TMEM132C: variants seen among roughly 807,000 people sequenced by gnomAD.
The protein encoded by TMEM132C is protein phosphatase 1, regulatory subunit 152.
TMEM132C carries 29 observed loss-of-function variants against 61.4 expected under a neutral mutation model. That is an observed-to-expected ratio of 0.47 (90% confidence interval 0.35 to 0.64). TMEM132C has a LOEUF of 0.64. Ranked by LOEUF, TMEM132C falls within the 30% of genes least tolerant of loss-of-function variation. The pLI is 0.00. For missense variants in TMEM132C, 1,408 were observed against 1,476.9 expected, an observed-to-expected ratio of 0.95 and a Z score of 0.76; for synonymous variants, 656 against 633.1, an observed-to-expected ratio of 1.04 and a Z score of -0.54.
At chr12:128,534,861 AC>A (rs1234104989) in intron 2 of TMEM132C, among the ~76,000 whole-genome samples, 1 of 152,238 alleles carries the variant, frequency 6.6e-6, no homozygotes, top group East Asian at 1.9e-4. Context: ...GACACCAGCC[AC>A]TGCACCAGTT....
chr12:128,507,402 CT>C (rs111625089), intron 2 of TMEM132C, among the ~76,000 whole-genome samples: 14,200 of 113,404 alleles, frequency 0.13, 1,512 homozygotes, highest in African/African-American at 0.32. Flanking sequence ...TTTTTTCTTT[CT>C]TTTTTTTTTT....
chr12:128,379,045 A>G (rs971496875), intron 1 of TMEM132C, among the ~76,000 whole-genome samples: 1 of 152,198 alleles, frequency 6.6e-6, no homozygotes, highest in African/African-American at 2.4e-5. Context: ...CTGTGAGTCC[A>G]TTCAACCTCT....
intron 1 of TMEM132C, among the ~76,000 whole-genome samples, chr12:128,306,292 C>A (rs1285485461): frequency 6.6e-6 from 1 of 151,550 alleles, no homozygotes; most frequent in Non-Finnish European, 1.5e-5. Context: ...AAGCTCTGCC[C>A]CCCGGGTTCT....
chr12:128,689,561 C>G (rs796306629), intron 5 of TMEM132C, among the ~76,000 whole-genome samples: 8 of 152,170 alleles, frequency 5.3e-5, no homozygotes, highest in African/African-American at 1.9e-4. Context: ...CCTCAGTGCC[C>G]TGAGATGCAC....
intron 1 of TMEM132C, among the ~76,000 whole-genome samples, chr12:128,384,053 C>CCAAA (rs776674735): frequency 1.3e-5 from 2 of 152,054 alleles, no homozygotes; most frequent in African/African-American, 2.4e-5. Context: ...CCAAAGAAAC[C>CCAAA]CAAACAAACA....
intron 3 of TMEM132C, among the ~76,000 whole-genome samples, chr12:128,608,585 A>G (rs972997511): frequency 6.6e-6 from 1 of 152,244 alleles, no homozygotes; most frequent in East Asian, 1.9e-4. Flanking sequence ...AAATTAGGAA[A>G]TAAAGAAAAA....
chr12:128,391,852 C>T lies in TMEM132C; in HGVS notation c.86-22880C>T, dbSNP rs150052356. ...TAGAACCCTTGGGCCAAACCCCTGCCGTCTGCTTTTATATGGCCTTCGAAC... is the reference window on the plus strand; with the variant it reads ...TAGAACCCTTGGGCCAAACCCCTGCTGTCTGCTTTTATATGGCCTTCGAAC... On this transcript the variant is annotated intron_variant, in intron 1 of 8. Coordinates refer to ENST00000435159, the MANE Select transcript of TMEM132C (RefSeq NM_001136103.3). 6.5e-3 allele frequency among the ~76,000 whole-genome samples: 987 copies of T among 152,294 alleles called. 10 individuals are homozygous for T. The highest frequency in any genetic ancestry group is 0.022 in the African/African-American group (919 of 41,564).
At chr12:128,307,260 C>A (rs1246379757) in intron 1 of TMEM132C, among the ~76,000 whole-genome samples, 1 of 152,058 alleles carries the variant, frequency 6.6e-6, no homozygotes, top group African/African-American at 2.4e-5. Flanking sequence ...CTTCTTCTGT[C>A]CCCAAAGTGG....
At chr12:128,343,642 T>C (rs1437706945) in intron 1 of TMEM132C, among the ~76,000 whole-genome samples, 8 of 152,144 alleles carry the variant, frequency 5.3e-5, no homozygotes, top group Admixed American at 5.2e-4. Context: ...CCTTTTAAAG[T>C]CTACGAGCCA....
In TMEM132C at chr12:128,375,358, T is replaced by A. The variant is rs12811620; in HGVS notation, c.86-39374T>A. Among the ~76,000 whole-genome samples, 750 of 152,132 alleles carry A rather than the reference T, an allele frequency of 4.9e-3. 8 individuals carry two copies. Among genetic ancestry groups the A allele is most frequent in the Non-Finnish European group, 7.2e-3 (488 of 67,976 alleles). ...AAAAGACATTTCTGGAGGCCAGAAA[T>A]CTGAAATCCAGGTGTTGGCAGGGTG... On this transcript the variant is annotated intron_variant, in intron 1 of 8. Transcript: ENST00000435159.
intron 5 of TMEM132C, among the ~76,000 whole-genome samples, chr12:128,676,779 C>T (rs988194805): frequency 9.9e-5 from 15 of 152,220 alleles, no homozygotes; most frequent in Admixed American, 7.9e-4. Context: ...GCATTTCTGC[C>T]TATTCCTTCT....
chr12:128,364,375 G>A (rs1190829084), intron 1 of TMEM132C, among the ~76,000 whole-genome samples: 1 of 148,520 alleles, frequency 6.7e-6, no homozygotes, highest in East Asian at 2.1e-4. Context: ...AGCTCGCAGA[G>A]TCTTTCTGTT....
At chr12:128,648,673 G>C (rs1954236251) in intron 4 of TMEM132C, among the ~76,000 whole-genome samples, 3 of 151,732 alleles carry the variant, frequency 2.0e-5, no homozygotes, top group Non-Finnish European at 2.9e-5. Context: ...GTGTTTACTG[G>C]AGTCCATCAG....
rs1870274438 is a variant in TMEM132C, at chr12:128,454,335, C to T, written c.974+38715C>T. On this transcript the variant is annotated intron_variant, in intron 2 of 8. Transcript: ENST00000435159. ...TGGTGGCCTACCCAGCATCCACTTC[C>T]TTCATCTTAGCAGAATCCTAATGAA... Among the ~76,000 whole-genome samples the T allele has an allele frequency of 1.3e-5, 2 of 152,230 alleles. 1 individual carries two copies. The highest frequency in any genetic ancestry group is 4.1e-4 in the South Asian group (2 of 4,836).
At chr12:128,493,336 G>GT (rs974548791) in intron 2 of TMEM132C, among the ~76,000 whole-genome samples, 1 of 152,062 alleles carries the variant, frequency 6.6e-6, no homozygotes, top group Non-Finnish European at 1.5e-5. Flanking sequence ...AATGTGGAAT[G>GT]TTTTTTGGTT....
intron 1 of TMEM132C, among the ~76,000 whole-genome samples, chr12:128,370,645 C>T (rs983599352): frequency 6.6e-6 from 1 of 151,986 alleles, no homozygotes; most frequent in African/African-American, 2.4e-5. Flanking sequence ...ACCCTGACCT[C>T]TCTCCTCCAA....
At chr12:128,455,444 T>C (rs1443070593) in intron 2 of TMEM132C, among the ~76,000 whole-genome samples, 1 of 152,204 alleles carries the variant, frequency 6.6e-6, no homozygotes, top group Non-Finnish European at 1.5e-5. Flanking sequence ...AGCAGTATTG[T>C]GGTCCTGAAA....
At chr12:128,337,350 G>T (rs561893233) in intron 1 of TMEM132C, among the ~76,000 whole-genome samples, 2 of 152,308 alleles carry the variant, frequency 1.3e-5, no homozygotes, top group South Asian at 4.1e-4. Flanking sequence ...GGGGACTCGT[G>T]TTGTGTTCGC....
At chr12:128,672,864 T>C (rs1225313518) in intron 5 of TMEM132C, among the ~76,000 whole-genome samples, 3 of 152,226 alleles carry the variant, frequency 2.0e-5, no homozygotes, top group Non-Finnish European at 4.4e-5. Context: ...TCAAGAATTC[T>C]GAAGGCTCTG....
Sources: allele counts gnomAD v4.1 joint callset (sites outside exome capture counted in the v4.1 genomes callset), GRCh38; gene constraint gnomAD v4.1.1; transcripts MANE v1.5; gene names NCBI Gene and HGNC (gene_info 2026-07-23, HGNC 2026-07-21).